UGT1A10: variants seen among roughly 807,000 people sequenced by gnomAD.
The protein encoded by UGT1A10 is UDP glucuronosyltransferase family 1 member A10, also known as UDP-glucuronosyltransferase 1A10.
UGT1A10 carries 49 observed loss-of-function variants against 45.8 expected under a neutral mutation model. The ratio of observed to expected loss-of-function variants is 1.07; its 90% CI spans 0.85 to 1.36. The LOEUF is 1.36. Ranked by LOEUF, UGT1A10 falls within the 40% of genes most tolerant of loss-of-function variation. The pLI is 0.00. For missense variants in UGT1A10, 745 were observed against 668.6 expected (o/e 1.11, Z -1.26); for synonymous variants, 284 against 249.7 (o/e 1.14, Z -1.29).
intron 1 of UGT1A10, chr2:233,752,588 C>T (rs1160790573): frequency 1.3e-5 from 2 of 152,108 alleles, no homozygotes; most frequent in African/African-American, 4.8e-5. Flanking sequence ...CCCATCTCTA[C>T]AAGATTTTTT....
At position 233,724,363 on chromosome 2, in the gene UGT1A10, CG is replaced by C. The variant is rs1443552589; in HGVS notation, c.856-42667del. On this transcript the variant is annotated intron_variant, in intron 1 of 4. Transcript: ENST00000344644. Reference sequence around the variant, plus strand: ...TGACCCCCCCCACCTCCCTCCCGGACGGGGTGGCTGCCGGGCGGAGACGCTC... The same window carrying C: ...TGACCCCCCCCACCTCCCTCCCGGACGGGTGGCTGCCGGGCGGAGACGCTC... Among the ~76,000 whole-genome samples the C allele has an allele frequency of 1.2e-4, 16 of 136,858 alleles. 1 individual carries two copies. The highest frequency in any genetic ancestry group is 2.1e-4 in the Non-Finnish European group (13 of 62,642). 89.8% of individuals were successfully genotyped at this position (136,858 alleles called of 152,430 possible). A position where few individuals can be genotyped will look rare whatever the true frequency, so the allele number is the denominator to read the frequency against.
intron 1 of UGT1A10, chr2:233,754,551 G>A (rs1002351204): frequency 7.8e-6 from 3 of 386,102 alleles, no homozygotes; most frequent in African/African-American, 4.2e-5. Context: ...ATTACTTGGT[G>A]TCAATGGGGA....
intron 1 of UGT1A10, chr2:233,747,520 CAG>C (rs1211118425): frequency 1.2e-6 from 2 of 1,606,826 alleles, no homozygotes; most frequent in African/African-American, 2.7e-5. Flanking sequence ...TACTTTGAAA[CAG>C]AACATTTTCT....
chr2:233,678,439 A>G (rs1002167631), intron 1 of UGT1A10, among the ~76,000 whole-genome samples: 1 of 152,154 alleles, frequency 6.6e-6, no homozygotes, highest in Non-Finnish European at 1.5e-5. Flanking sequence ...GAGGCAGAAG[A>G]GGTAGAGGAG....
At chr2:233,762,454 C>T (rs1698080898) in intron 1 of UGT1A10, among the ~76,000 whole-genome samples, 1 of 152,194 alleles carries the variant, frequency 6.6e-6, no homozygotes, top group African/African-American at 2.4e-5. Context: ...TGCCCACTTA[C>T]CGATAATGTC....
At chr2:233,660,716 C>T (rs1002977792) in intron 1 of UGT1A10, among the ~76,000 whole-genome samples, 2 of 152,134 alleles carry the variant, frequency 1.3e-5, no homozygotes, top group African/African-American at 4.8e-5. Context: ...CGCTTCTCTT[C>T]CTTACTTATA....
At chr2:233,671,712 TA>T in intron 1 of UGT1A10, 1 of 989,556 alleles carries the variant, frequency 1.0e-6, no homozygotes, top group Non-Finnish European at 1.4e-6. Context: ...GCAAAGACCA[TA>T]AGCTACTGTT....
chr2:233,664,136 A>T (rs947835246), intron 1 of UGT1A10, among the ~76,000 whole-genome samples: 1 of 152,178 alleles, frequency 6.6e-6, no homozygotes, highest in African/African-American at 2.4e-5. Context: ...ACCTTTGCTC[A>T]AGTTCCAAAT....
Position 233,685,551 on chromosome 2 carries a change from C to T in UGT1A10, c.855+48174C>T, listed in dbSNP as rs181887946. On this transcript the variant is annotated intron_variant, in intron 1 of 4. Coordinates refer to ENST00000344644, the MANE Select transcript of UGT1A10 (RefSeq NM_019075.4). ...ATTGCTCTCGCATTCTGTTTTTGAT[C>T]CAAATTCAAATTTACCTGTTACTGG... Among the ~76,000 whole-genome samples, 1,103 of 152,292 alleles carry T rather than the reference C, an allele frequency of 7.2e-3. 7 individuals are homozygous for T. Among genetic ancestry groups the T allele is most frequent in the Non-Finnish European group, 0.013 (869 of 68,020 alleles).
At chr2:233,727,345 T>A (rs2077607962) in intron 1 of UGT1A10, among the ~76,000 whole-genome samples, 1 of 152,184 alleles carries the variant, frequency 6.6e-6, no homozygotes, top group Non-Finnish European at 1.5e-5. Flanking sequence ...CTCCCCATAG[T>A]TCTGCTATCC....
At chr2:233,659,599 G>A (rs2073926020) in intron 1 of UGT1A10, among the ~76,000 whole-genome samples, 1 of 152,088 alleles carries the variant, frequency 6.6e-6, no homozygotes, top group Admixed American at 6.6e-5. Context: ...GCTTTTTCAG[G>A]GATGGCAGAT....
In UGT1A10 at chr2:233,766,922, G is replaced by A. The variant is rs955173337; in HGVS notation, c.856-112G>A. The A allele has an allele frequency of 8.3e-6, 13 of 1,559,654 alleles. No individual in the cohort carries two copies. The Middle Eastern group carries it at 1.0e-3, about 123-fold the overall frequency. On this transcript the variant is annotated intron_variant, in intron 1 of 4. Transcript: ENST00000344644. ...TAATTTTTTACTCTATCTCAAACAC[G>A]CATGCCTTTAATCATAGTCTTAAGA...
intron 1 of UGT1A10, among the ~76,000 whole-genome samples, chr2:233,670,900 T>C (rs2074171515): frequency 6.6e-6 from 1 of 152,228 alleles, no homozygotes; most frequent in Non-Finnish European, 1.5e-5. Flanking sequence ...AAAAGTGTTC[T>C]TGCCGAGGCC....
rs547114887 is a variant in UGT1A10, at chr2:233,686,395, G to A, written c.855+49018G>A. Among the ~76,000 whole-genome samples, 15 of 152,134 alleles carry A rather than the reference G, an allele frequency of 9.9e-5. No individual in the cohort carries two copies. The South Asian group carries it at 1.5e-3, about 15-fold the overall frequency. On this transcript the variant is annotated intron_variant, in intron 1 of 4. Transcript: ENST00000344644. Reference sequence around the variant, plus strand: ...GAATGAAAAGACAACTCGTGTGGGCGCCCTTATTAAGGTGTGCAGATAAAC... The same window carrying A: ...GAATGAAAAGACAACTCGTGTGGGCACCCTTATTAAGGTGTGCAGATAAAC...
At chr2:233,741,974 C>A (rs1011197699) in intron 1 of UGT1A10, 2 of 151,852 alleles carry the variant, frequency 1.3e-5, no homozygotes, top group Non-Finnish European at 2.9e-5. Context: ...GTTTATGGTG[C>A]CTCACCCAAA....
At chr2:233,688,945 G>A (rs2074920511) in intron 1 of UGT1A10, among the ~76,000 whole-genome samples, 1 of 152,172 alleles carries the variant, frequency 6.6e-6, no homozygotes, top group African/African-American at 2.4e-5. Flanking sequence ...GCAGCATGAA[G>A]CCAAATGTTT....
At chr2:233,733,439 G>T (rs1332999216) in intron 1 of UGT1A10, among the ~76,000 whole-genome samples, 5 of 152,168 alleles carry the variant, frequency 3.3e-5, no homozygotes, top group Non-Finnish European at 7.3e-5. Context: ...GATATTGGCT[G>T]CGGGTTTGTC....
intron 1 of UGT1A10, among the ~76,000 whole-genome samples, chr2:233,702,063 A>T (rs2125588701): frequency 6.6e-6 from 1 of 152,360 alleles, no homozygotes; most frequent in South Asian, 2.1e-4. Context: ...CACTAATTTT[A>T]ATGGTTTTTG....
intron 1 of UGT1A10, chr2:233,719,342 G>T (rs1239122112): frequency 6.2e-7 from 1 of 1,613,870 alleles, no homozygotes. Flanking sequence ...TTTTTTGGAG[G>T]TACATTCCAT....
Sources: gnomAD v4.1 joint callset for allele counts (sites outside exome capture counted in the v4.1 genomes callset) on GRCh38, gnomAD v4.1.1 for gene constraint, MANE v1.5 for transcripts, NCBI Gene and HGNC (gene_info 2026-07-23, HGNC 2026-07-21) for gene names.